The following DPYSL2 variants were observed in gnomAD, a reference collection of about 807,000 sequenced individuals.
The protein encoded by DPYSL2 is dihydropyrimidinase like 2.
A neutral mutation model predicts 69.9 loss-of-function variants in DPYSL2; 13 were observed. That is an observed-to-expected ratio of 0.19 (90% CI 0.12 to 0.30). DPYSL2 has a LOEUF of 0.30. Ranked by LOEUF, DPYSL2 falls within the 10% of genes least tolerant of loss-of-function variation. DPYSL2 has a pLI of 1.00. For synonymous variants in DPYSL2, 326 were observed against 359.1 expected (o/e 0.91, Z 1.04); for missense variants, 587 against 918.9 (o/e 0.64, Z 4.67).
chr8:26,550,845 G>C (rs1800863550), intron 1 of DPYSL2, among the ~76,000 whole-genome samples: 1 of 152,184 alleles, frequency 6.6e-6, no homozygotes, highest in African/African-American at 2.4e-5. Flanking sequence ...CCTGAGAGCT[G>C]GTGGGGAGAG....
At chr8:26,535,620 T>C in intron 1 of DPYSL2, among the ~76,000 whole-genome samples, 1 of 149,730 alleles carries the variant, frequency 6.7e-6, no homozygotes, top group East Asian at 1.9e-4. Context: ...CAGACTGATA[T>C]ATATATATAT....
intron 8 of DPYSL2, among the ~76,000 whole-genome samples, chr8:26,635,308 G>C (rs529501470): frequency 5.9e-4 from 90 of 152,338 alleles, no homozygotes; most frequent in Non-Finnish European, 1.0e-3. Context: ...GGTATGTAAG[G>C]CAGCTTTGTG....
At position 26,624,428 on chromosome 8, in the gene DPYSL2, G is replaced by A. The variant is rs1208655667; in HGVS notation, c.793+121G>A. Reference sequence around the variant, plus strand: ...CCATTTGTGCCTCATGCCCATGCCTGCCCCTGGGAAGGAGAGAGGGCTTTG... The same window carrying A: ...CCATTTGTGCCTCATGCCCATGCCTACCCCTGGGAAGGAGAGAGGGCTTTG... On this transcript the variant is annotated intron_variant, in intron 4 of 13. Transcript: ENST00000521913. The surrounding 1 kb of genome is among the most constrained non-coding windows in gnomAD (Gnocchi z 4.7). The A allele has an allele frequency of 1.5e-5, 20 of 1,299,642 alleles. No individual in the cohort carries two copies. Among genetic ancestry groups the A allele is most frequent in the Non-Finnish European group, 1.8e-5 (17 of 939,410 alleles). 80.5% of individuals were successfully genotyped at this position (1,299,642 alleles called of 1,614,324 possible).
At position 26,626,634 on chromosome 8, in the gene DPYSL2, G is replaced by A. The variant is rs1308423747; in HGVS notation, c.811G>A (p.Val271Met). ...VKDHGVNSFL[V>M]YMAFKDRFQL... ...CGCACTAGGGGTAAATTCCTTCCTCGTGTACATGGCTTTCAAAGATCGCTT... is the reference window on the plus strand; with the variant it reads ...CGCACTAGGGGTAAATTCCTTCCTCATGTACATGGCTTTCAAAGATCGCTT... The change falls in exon 5 of 14, where the codon GTG (valine) becomes ATG (methionine). Residue 271 changes from valine (V) to methionine (M), a missense_variant. By Grantham distance (21) the Val-to-Met change is conservative (BLOSUM62 1). Around this residue, in one of 3 missense-constraint regions of DPYSL2, gnomAD observed 452 missense variants for 754.3 expected, o/e 0.60. Transcript: ENST00000521913. This position sits in a 1 kb window ranked among gnomAD's most constrained non-coding sequence, Gnocchi z 4.3. 12 of 1,613,870 alleles carry A rather than the reference G, an allele frequency of 7.4e-6. No homozygotes were observed. Among genetic ancestry groups the A allele is most frequent in the South Asian group, 5.5e-5 (5 of 91,066 alleles).
chr8:26,556,941 C>T (rs763472299), intron 1 of DPYSL2, among the ~76,000 whole-genome samples: 10 of 152,116 alleles, frequency 6.6e-5, no homozygotes, highest in Non-Finnish European at 1.2e-4. Context: ...TTGACATATC[C>T]TTGATAAAGG....
intron 1 of DPYSL2, among the ~76,000 whole-genome samples, chr8:26,550,132 A>G (rs1474041939): frequency 6.6e-6 from 1 of 152,226 alleles, no homozygotes; most frequent in Non-Finnish European, 1.5e-5. Context: ...TAAATAAGGA[A>G]AAGTAACATT....
chr8:26,626,482 AACACAC>A lies in DPYSL2; in HGVS notation c.794-100_794-95del, dbSNP rs58931747. 0.39 allele frequency: 211,528 copies of A among 543,906 alleles called. 26,256 individuals carry two copies. The highest frequency in any genetic ancestry group is 0.5 in the East Asian group (15,853 of 31,662). The allele number at this position is 543,906 out of a possible 1,614,324, so 33.7% of individuals were successfully genotyped here. ...TCTCCTCTCTCTTTCTCTGTACTGAAACACACACACACACACACACACACACACACA... is the reference window on the plus strand; with the variant it reads ...TCTCCTCTCTCTTTCTCTGTACTGAAACACACACACACACACACACACACA... On this transcript the variant is annotated intron_variant, in intron 4 of 13. Transcript: ENST00000521913. The surrounding 1 kb of genome is among the most constrained non-coding windows in gnomAD (Gnocchi z 4.3).
chr8:26,640,147 C>G lies in DPYSL2; in HGVS notation c.1127-3292C>G, dbSNP rs970480245. On this transcript the variant is annotated intron_variant, in intron 8 of 13. Coordinates refer to ENST00000521913, the MANE Select transcript of DPYSL2 (RefSeq NM_001197293.3). This position sits in a 1 kb window ranked among gnomAD's most constrained non-coding sequence, Gnocchi z 4.2. Reference sequence around the variant, plus strand: ...ACTTTGGATTTGTTCTCCTGCTTCTCGTCCATGGGAAATGACTGCCAGAGC... The same window carrying G: ...ACTTTGGATTTGTTCTCCTGCTTCTGGTCCATGGGAAATGACTGCCAGAGC... Among the ~76,000 whole-genome samples, 2 of 152,212 alleles carry G rather than the reference C, an allele frequency of 1.3e-5. No individual in the cohort carries two copies. Among genetic ancestry groups the G allele is most frequent in the Non-Finnish European group, 2.9e-5 (2 of 68,040 alleles).
In DPYSL2 at chr8:26,656,340, C is replaced by T. The variant is rs919054796; in HGVS notation, c.*634C>T. 9 of 152,458 alleles carry T rather than the reference C, an allele frequency of 5.9e-5. No homozygotes were observed. Among genetic ancestry groups the T allele is most frequent in the African/African-American group, 1.7e-4 (7 of 41,376 alleles). 9.4% of individuals were successfully genotyped at this position (152,458 alleles called of 1,614,324 possible). On this transcript the variant is annotated 3_prime_UTR_variant, in exon 14 of 14. Coordinates refer to ENST00000521913, the MANE Select transcript of DPYSL2 (RefSeq NM_001197293.3). Reference sequence around the variant, plus strand: ...CCTGAGAGGCTCCACAATGCCCACCCGCATCGCCATTCTGTAGTCTTCAGG... The same window carrying T: ...CCTGAGAGGCTCCACAATGCCCACCTGCATCGCCATTCTGTAGTCTTCAGG...
At chr8:26,629,760 T>C (rs914215774) in intron 7 of DPYSL2, among the ~76,000 whole-genome samples, 2 of 152,088 alleles carry the variant, frequency 1.3e-5, no homozygotes, top group African/African-American at 4.8e-5. Context: ...TTTTATTTTA[T>C]TTTTTTTCCT....
rs1801091313 is a variant in DPYSL2 at position 26,562,618 on chromosome 8, G to A, written c.355-19351G>A. Among the ~76,000 whole-genome samples, 1 of 152,226 alleles carries A rather than the reference G, an allele frequency of 6.6e-6. No homozygotes were observed. Among genetic ancestry groups the A allele is most frequent in the South Asian group, 2.1e-4 (1 of 4,834 alleles). On this transcript the variant is annotated intron_variant, in intron 1 of 13. Transcript: ENST00000521913. This position sits in a 1 kb window ranked among gnomAD's most constrained non-coding sequence, Gnocchi z 4.9. The stretch of plus-strand genomic sequence containing the variant: ...ATCTGTTTCCATGGCCCACAGTCCT[G>A]TAGATGTGGTCCCTGCCTGCTGCTT...
At position 26,644,084 on chromosome 8, in the gene DPYSL2, A is replaced by G; in HGVS notation, c.1418A>G (p.Lys473Arg). The change falls in exon 10 of 14, where the codon AAG (lysine) becomes AGG (arginine). Residue 473 changes from lysine (K) to arginine (R), a missense_variant. Physicochemically the swap from Lys to Arg is conservative, Grantham distance 26 (BLOSUM62 2). Transcript: ENST00000521913. The surrounding 1 kb of genome is among the most constrained non-coding windows in gnomAD (Gnocchi z 4.5). ...GAGCGGATGTCCGTCATCTGGGACAAGGCTGTGGTAAGGAGCGATGGCCTC... is the reference window on the plus strand; with the variant it reads ...GAGCGGATGTCCGTCATCTGGGACAGGGCTGTGGTAAGGAGCGATGGCCTC... ...TEERMSVIWD[K>R]AVVTGKMDEN... The G allele has an allele frequency of 6.2e-7, 1 of 1,614,086 alleles. No individual in the cohort carries two copies. Among genetic ancestry groups the G allele is most frequent in the South Asian group, 1.1e-5 (1 of 91,070 alleles).
intron 1 of DPYSL2, among the ~76,000 whole-genome samples, chr8:26,570,005 A>G (rs1481649073): frequency 6.6e-6 from 1 of 152,232 alleles, no homozygotes; most frequent in East Asian, 1.9e-4. Context: ...CAACATGGGT[A>G]ACATAGTGAG....
rs1802803691 is a variant in DPYSL2, at chr8:26,632,590, G to C, written c.1006-2190G>C. On this transcript the variant is annotated intron_variant, in intron 7 of 13. Coordinates refer to ENST00000521913, the MANE Select transcript of DPYSL2 (RefSeq NM_001197293.3). Reference sequence around the variant, plus strand: ...GTAGTGGCTTGTACCTGTCATCCCAGCACTTTGGGAGGCCGAGGTGGGAAG... The same window carrying C: ...GTAGTGGCTTGTACCTGTCATCCCACCACTTTGGGAGGCCGAGGTGGGAAG... Among the ~76,000 whole-genome samples the C allele has an allele frequency of 2.6e-5, 4 of 152,186 alleles. No individual in the cohort carries two copies. The South Asian group carries it at 6.2e-4, about 24-fold the overall frequency.
intron 3 of DPYSL2, among the ~76,000 whole-genome samples, chr8:26,596,800 C>T (rs17055492): frequency 0.014 from 2,057 of 152,340 alleles, 25 homozygotes; most frequent in Middle Eastern, 0.068. Flanking sequence ...ATGGCCCTTG[C>T]ATATCCTAGA....
chr8:26,559,129 G>A (rs1801035112), intron 1 of DPYSL2, among the ~76,000 whole-genome samples: 3 of 152,070 alleles, frequency 2.0e-5, no homozygotes, highest in Non-Finnish European at 4.4e-5. Flanking sequence ...TTTTAGTAGA[G>A]TTGGGGTTTC....
chr8:26,527,330 T>A (rs188346199), intron 1 of DPYSL2, among the ~76,000 whole-genome samples: 2 of 152,362 alleles, frequency 1.3e-5, no homozygotes, highest in African/African-American at 4.8e-5. Flanking sequence ...CTACCCTTCA[T>A]TGAAGATGCT....
At position 26,556,160 on chromosome 8, in the gene DPYSL2, G is replaced by GTATATATATACTA. The variant is rs1377125528; in HGVS notation, c.355-25803_355-25802insTATACTATATATA. 1.2e-3 allele frequency among the ~76,000 whole-genome samples: 2 copies of GTATATATATACTA among 1,718 alleles called. 1 individual carries two copies. The highest frequency in any genetic ancestry group is 2.0e-3 in the African/African-American group (2 of 1,002). The allele number at this position is 1,718 out of a possible 152,430, so 1.1% of individuals were successfully genotyped here. A position where few individuals can be genotyped will look rare whatever the true frequency, so the allele number is the denominator to read the frequency against. On this transcript the variant is annotated intron_variant, in intron 1 of 13. Transcript: ENST00000521913. ...CTATATATAGTATATACTATATATA[G>GTATATATATACTA]TATATACTATATATAGTATATACTA...
At chr8:26,600,738 A>C (rs1801972501) in intron 3 of DPYSL2, among the ~76,000 whole-genome samples, 2 of 152,146 alleles carry the variant, frequency 1.3e-5, no homozygotes, top group Non-Finnish European at 2.9e-5. Flanking sequence ...CTCCCCACTG[A>C]GGACCCTTGA....
Sources: gnomAD v4.1 joint callset for allele counts (sites outside exome capture counted in the v4.1 genomes callset) on GRCh38, gnomAD v4.1.1 for gene constraint, gnomAD v4.1.1 regional missense constraint, Gnocchi (gnomAD v3.1) non-coding constraint, MANE v1.5 for transcripts, NCBI Gene and HGNC (gene_info 2026-07-23, HGNC 2026-07-21) for gene names.